The following ADGB variants were observed in gnomAD, a reference collection of about 807,000 sequenced individuals.
The protein encoded by ADGB is androglobin.
In ADGB, 172 loss-of-function variants were observed where a neutral mutation model predicts 210.5. The observed-to-expected ratio is 0.82, with a 90% CI of 0.72 to 0.93. The LOEUF (loss-of-function observed/expected upper bound fraction) is 0.93, where lower values mean the gene tolerates loss of function less well. ADGB is among the 40% of genes least tolerant of loss of function. The pLI is 0.00. For synonymous variants in ADGB, 658 were observed against 662.7 expected (o/e 0.99, Z 0.11); for missense variants, 2,025 against 1,964.8 (o/e 1.03, Z -0.58).
chr6:146,613,513 T>G (rs75868829), intron 1 of ADGB, among the ~76,000 whole-genome samples: 2,090 of 152,292 alleles, frequency 0.014, 56 homozygotes, highest in African/African-American at 0.048. Flanking sequence ...ACAGCATGCC[T>G]TAAGAAAATA....
At chr6:146,699,632 C>A (rs1007059353) in intron 12 of ADGB, among the ~76,000 whole-genome samples, 1 of 152,088 alleles carries the variant, frequency 6.6e-6, no homozygotes, top group Non-Finnish European at 1.5e-5. Context: ...CTAGGCAGCC[C>A]TCAAGCCAGC....
At chr6:146,807,120 ATAATT>A in intron 35 of ADGB, among the ~76,000 whole-genome samples, 2 of 152,350 alleles carry the variant, frequency 1.3e-5, no homozygotes, top group South Asian at 4.1e-4. Context: ...TATATTTGAA[ATAATT>A]TAAACAGAAT....
intron 32 of ADGB, 98 bp from the exon 33 acceptor site, chr6:146,788,291 T>C: frequency 9.2e-7 from 1 of 1,083,644 alleles, no homozygotes; most frequent in Non-Finnish European, 1.4e-6. Context: ...TTGAGTCATC[T>C]GCTCTAAATC....
In ADGB at chr6:146,717,525, C is replaced by A. The variant is rs1373909660; in HGVS notation, c.1929-11C>A. 2 of 1,345,114 alleles carry A rather than the reference C, an allele frequency of 1.5e-6. No individual in the cohort carries two copies. The highest frequency in any genetic ancestry group is 2.0e-6 in the Non-Finnish European group (2 of 983,938). 83.3% of individuals were successfully genotyped at this position (1,345,114 alleles called of 1,614,324 possible). A position where few individuals can be genotyped will look rare whatever the true frequency, so the allele number is the denominator to read the frequency against. On this transcript the variant is annotated splice_polypyrimidine_tract_variant and intron_variant, in intron 15 of 35. Coordinates refer to ENST00000397944, the MANE Select transcript of ADGB (RefSeq NM_024694.4). The stretch of plus-strand genomic sequence containing the variant: ...AATGACAATAACCTGTTAAAAATGT[C>A]TTTCTTTCAGAAATATATATATTTT...
chr6:146,628,619 C>T (rs1278126425), intron 1 of ADGB, among the ~76,000 whole-genome samples: 1 of 151,938 alleles, frequency 6.6e-6, no homozygotes. Context: ...TTATAGATCT[C>T]TGCACCTATT....
intron 35 of ADGB, among the ~76,000 whole-genome samples, chr6:146,810,930 C>A (rs952341083): frequency 4.6e-5 from 7 of 152,110 alleles, no homozygotes; most frequent in Non-Finnish European, 8.8e-5. Flanking sequence ...TTATATTAAT[C>A]ATTCAGTGTA....
chr6:146,805,386 G>A (rs1778195981), intron 35 of ADGB, among the ~76,000 whole-genome samples: 1 of 152,168 alleles, frequency 6.6e-6, no homozygotes, highest in African/African-American at 2.4e-5. Flanking sequence ...TCTTACAGCA[G>A]CCCCAGCAAG....
chr6:146,794,567 A>G (rs947218706), intron 33 of ADGB, among the ~76,000 whole-genome samples: 4 of 152,094 alleles, frequency 2.6e-5, no homozygotes, highest in South Asian at 2.1e-4. Context: ...AAATTAAGCA[A>G]TTTTCAATAT....
chr6:146,619,707 T>G (rs1298053698), intron 1 of ADGB, among the ~76,000 whole-genome samples: 2 of 152,130 alleles, frequency 1.3e-5, no homozygotes, highest in African/African-American at 4.8e-5. Context: ...TTTTTGGTAT[T>G]TCAATTTATG....
At chr6:146,807,267 T>G (rs1473020573) in intron 35 of ADGB, 1 of 853,318 alleles carries the variant, frequency 1.2e-6, no homozygotes, top group Non-Finnish European at 1.8e-6. Flanking sequence ...GACCATACAC[T>G]AATTTTCATC....
chr6:146,628,261 A>T (rs1781008479), intron 1 of ADGB, among the ~76,000 whole-genome samples: 1 of 151,728 alleles, frequency 6.6e-6, no homozygotes, highest in Non-Finnish European at 1.5e-5. Flanking sequence ...TATTAGAAAC[A>T]TCTCCATATA....
chr6:146,740,168 G>C (rs539136904), intron 23 of ADGB, among the ~76,000 whole-genome samples: 2 of 151,980 alleles, frequency 1.3e-5, no homozygotes, highest in Non-Finnish European at 2.9e-5. Flanking sequence ...TTTGGTTCTG[G>C]TTTTCCCCCT....
At chr6:146,799,568 A>G (rs1778095299) in intron 33 of ADGB, among the ~76,000 whole-genome samples, 1 of 144,844 alleles carries the variant, frequency 6.9e-6, no homozygotes. Flanking sequence ...GGAAGGAAGG[A>G]ATGCAGGCAG....
chr6:146,769,285 TTG>T (rs1777620257), intron 29 of ADGB, among the ~76,000 whole-genome samples, 154 bp downstream of exon 29: 2 of 152,182 alleles, frequency 1.3e-5, no homozygotes, highest in South Asian at 4.1e-4. Context: ...ACATTTCCTG[TTG>T]TGTTAATTGA....
chr6:146,803,691 T>C, intron 35 of ADGB: 4 of 1,218,232 alleles, frequency 3.3e-6, no homozygotes, highest in South Asian at 1.2e-5. Context: ...TTTTTAACAT[T>C]GTGAGTTTCC....
Position 146,741,162 on chromosome 6 carries a change from T to A in ADGB, c.3068T>A (p.Val1023Glu), listed in dbSNP as rs1487609504. Residue 1023 changes from valine (V) to glutamate (E), a missense_variant, in exon 25 of 36, where the codon GTA (valine) becomes GAA (glutamate). Val to Glu is a moderately radical substitution (Grantham distance 121). Coordinates refer to ENST00000397944, the MANE Select transcript of ADGB (RefSeq NM_024694.4). ...CAAGACATGATTTTGGTTCCCAAAGTATATACTACACTTCCAATCTGTATC... is the reference window on the plus strand; with the variant it reads ...CAAGACATGATTTTGGTTCCCAAAGAATATACTACACTTCCAATCTGTATC... ...VHQDMILVPK[V>E]YTTLPICILH... 6.5e-7 allele frequency: 1 copy of A among 1,546,598 alleles called. No individual in the cohort carries two copies. The highest frequency in any genetic ancestry group is 1.2e-5 in the South Asian group (1 of 83,082).
intron 11 of ADGB, 105 bp downstream of exon 11, chr6:146,691,395 TC>T: frequency 2.3e-6 from 1 of 434,104 alleles, no homozygotes; most frequent in Non-Finnish European, 3.3e-6. Flanking sequence ...CAACATTGCT[TC>T]TAAAGCCTAT....
intron 1 of ADGB, among the ~76,000 whole-genome samples, chr6:146,629,973 G>A (rs992093166): frequency 8.6e-5 from 13 of 152,038 alleles, no homozygotes; most frequent in Non-Finnish European, 1.6e-4. Context: ...ACTGTGGCTC[G>A]TGCCTATAAT....
intron 8 of ADGB, among the ~76,000 whole-genome samples, chr6:146,673,140 G>A (rs894801076): frequency 2.6e-5 from 4 of 152,166 alleles, no homozygotes; most frequent in African/African-American, 7.2e-5. Flanking sequence ...AGTTATACTT[G>A]GCATTCTAGT....
Sources: allele counts gnomAD v4.1 joint callset (sites outside exome capture counted in the v4.1 genomes callset), GRCh38; gene constraint gnomAD v4.1.1; transcripts MANE v1.5; gene names NCBI Gene and HGNC (gene_info 2026-07-23, HGNC 2026-07-21).